NAV2: variants seen among roughly 807,000 people sequenced by gnomAD.
NAV2 encodes neuron navigator 2.
Under a neutral mutation model 223.2 loss-of-function variants are expected in NAV2, and 54 were observed. The observed-to-expected ratio is 0.24, with a 90% CI of 0.19 to 0.30. The LOEUF (loss-of-function observed/expected upper bound fraction) is 0.30. NAV2 is among the 10% of genes least tolerant of loss of function. The probability of loss-of-function intolerance (pLI) is 1.00; values close to 1 mark genes in which losing one functional copy is unlikely to be tolerated. For synonymous variants in NAV2, 1,279 were observed against 1,239.3 expected (o/e 1.03, Z -0.67); for missense variants, 2,806 against 3,147.5 (o/e 0.89, Z 2.60).
chr11:19,966,389 C>T (rs1055814238), intron 10 of NAV2, among the ~76,000 whole-genome samples: 2 of 152,154 alleles, frequency 1.3e-5, no homozygotes, highest in Non-Finnish European at 2.9e-5. Context: ...ATTATGTATC[C>T]CCAGTGCCTA....
At chr11:19,591,442 G>A (rs2046058067) in intron 1 of NAV2, among the ~76,000 whole-genome samples, 1 of 152,114 alleles carries the variant, frequency 6.6e-6, no homozygotes, top group African/African-American at 2.4e-5. Flanking sequence ...TCTCTACTTA[G>A]GAACAGTCTT....
intron 1 of NAV2, among the ~76,000 whole-genome samples, chr11:19,584,604 AC>A (rs1198280103): frequency 2.0e-5 from 3 of 152,206 alleles, no homozygotes; most frequent in African/African-American, 7.2e-5. Flanking sequence ...GTTTCAAAGA[AC>A]ATCTTTATTT....
intron 1 of NAV2, among the ~76,000 whole-genome samples, chr11:19,546,059 C>CA (rs986776840): frequency 2.0e-5 from 3 of 152,060 alleles, no homozygotes; most frequent in African/African-American, 7.2e-5. Flanking sequence ...CAGATGCTTC[C>CA]AGGGAACCCT....
chr11:19,909,675 T>A (rs996291569), intron 6 of NAV2, among the ~76,000 whole-genome samples: 1 of 152,080 alleles, frequency 6.6e-6, no homozygotes, highest in African/African-American at 2.4e-5. Flanking sequence ...GGAAGCACAT[T>A]TCTTCAGGAG....
At chr11:19,988,710 C>A (rs748727413) in intron 11 of NAV2, among the ~76,000 whole-genome samples, 1 of 152,140 alleles carries the variant, frequency 6.6e-6, no homozygotes, top group Non-Finnish European at 1.5e-5. Context: ...ATTGGGAGGC[C>A]TCTCTCAAGG....
chr11:20,103,688 C>G lies in NAV2; in HGVS notation c.6608C>G (p.Ser2203Cys), dbSNP rs1418867520. Reference sequence around the variant, plus strand: ...ATTGGCACAATGAACCAGGCTACCTCTTCGACTCCCAACCTGCAGCTTCAC... The same window carrying G: ...ATTGGCACAATGAACCAGGCTACCTGTTCGACTCCCAACCTGCAGCTTCAC... ...YIIGTMNQAT[S>C]STPNLQLHHN... is the part of the protein sequence containing the mutation. Residue 2203 changes from serine to cysteine, a missense_variant, in exon 34 of 38, where the codon TCT (serine) becomes TGT (cysteine). Physicochemically the swap from Ser to Cys is moderately radical, Grantham distance 112. This residue lies in a region of NAV2 where 824 missense variants were observed against 1,069.4 expected (regional missense o/e 0.77). Coordinates refer to ENST00000349880, the MANE Select transcript of NAV2 (RefSeq NM_145117.5). 1.9e-6 allele frequency: 3 copies of G among 1,614,200 alleles called. No individual in the cohort carries two copies. In the Middle Eastern group the frequency reaches 4.9e-4, roughly 266 times the overall value.
At chr11:20,115,936 G>A (rs534913769) in intron 37 of NAV2, among the ~76,000 whole-genome samples, 1 of 151,992 alleles carries the variant, frequency 6.6e-6, no homozygotes, top group Admixed American at 6.6e-5. Context: ...AAACACCCGG[G>A]CCAATAACAG....
At chr11:19,359,354 C>T (rs1319707223) in intron 1 of NAV2, among the ~76,000 whole-genome samples, 1 of 152,156 alleles carries the variant, frequency 6.6e-6, no homozygotes, top group African/African-American at 2.4e-5. Flanking sequence ...CATGCCTTTT[C>T]CCTTTGAATT....
At chr11:19,868,672 A>G (rs1391500036) in intron 3 of NAV2, among the ~76,000 whole-genome samples, 2 of 152,126 alleles carry the variant, frequency 1.3e-5, no homozygotes, top group East Asian at 3.9e-4. Flanking sequence ...AGTGATCAAG[A>G]TGAGAGCTCC....
At chr11:19,378,967 T>C (rs1564890071) in intron 1 of NAV2, among the ~76,000 whole-genome samples, 1 of 152,194 alleles carries the variant, frequency 6.6e-6, no homozygotes, top group Non-Finnish European at 1.5e-5. Context: ...GTTCAAGCCC[T>C]GGCTTCGTCC....
intron 1 of NAV2, among the ~76,000 whole-genome samples, chr11:19,520,602 T>G (rs932672770): frequency 3.3e-5 from 5 of 152,150 alleles, no homozygotes; most frequent in African/African-American, 1.2e-4. Context: ...CCCTCCTTCC[T>G]CCTTTCCCAT....
In NAV2 at chr11:20,105,681, C is replaced by T. The variant is rs769328199; in HGVS notation, c.6795C>T (p.His2265=). The T allele has an allele frequency of 8.7e-6, 14 of 1,613,470 alleles. No individual in the cohort carries two copies. In the East Asian group the frequency reaches 2.7e-4, roughly 31 times the overall value. Residue 2265 remains histidine (H), a synonymous_variant, in exon 35 of 38, where the codon CAC becomes CAT. Transcript: ENST00000349880. ...ACTGGATTCCCAAGGTCTGGCATCACCTCAACCGCTTCCTGGAGGCTCACA... is the reference window on the plus strand; with the variant it reads ...ACTGGATTCCCAAGGTCTGGCATCATCTCAACCGCTTCCTGGAGGCTCACA... ...IIDWIPKVWH[H]LNRFLEAHSS...
At chr11:20,016,402 G>A (rs937906553) in intron 11 of NAV2, among the ~76,000 whole-genome samples, 2 of 152,232 alleles carry the variant, frequency 1.3e-5, no homozygotes, top group African/African-American at 4.8e-5. Flanking sequence ...TACTGTTCCT[G>A]CTGAATGAAA....
chr11:19,730,114 A>G (rs1424718114), intron 1 of NAV2, among the ~76,000 whole-genome samples: 1 of 152,208 alleles, frequency 6.6e-6, no homozygotes, highest in Non-Finnish European at 1.5e-5. Context: ...GGTTTCTGTC[A>G]TGAATCTTCC....
chr11:19,708,348 C>T (rs945660434), upstream of NAV2, among the ~76,000 whole-genome samples: 3 of 152,096 alleles, frequency 2.0e-5, no homozygotes, highest in Admixed American at 6.6e-5. Context: ...TTTTTACTCC[C>T]AAATAAACTC....
In NAV2 at chr11:19,713,222, C is replaced by T; in HGVS notation, c.-474C>T. 1.8e-5 allele frequency: 13 copies of T among 741,760 alleles called. No homozygotes were observed. The highest frequency in any genetic ancestry group is 2.1e-5 in the Non-Finnish European group (13 of 606,562). 45.9% of individuals were successfully genotyped at this position (741,760 alleles called of 1,614,324 possible). A position where few individuals can be genotyped will look rare whatever the true frequency, so the allele number is the denominator to read the frequency against. ...GCTGTCTCCTTTCCTTCCTTGGCTG[C>T]TCGCTCTTTCTCTCGCCGGCTCAGA... is the stretch of plus-strand genomic sequence containing the variant. On this transcript the variant is annotated 5_prime_UTR_variant, in exon 1 of 38. Coordinates refer to ENST00000349880, the MANE Select transcript of NAV2 (RefSeq NM_145117.5). The surrounding 1 kb of genome is among the most constrained non-coding windows in gnomAD (Gnocchi z 7.2).
chr11:19,722,082 A>G (rs1397881861), intron 1 of NAV2, among the ~76,000 whole-genome samples: 1 of 152,188 alleles, frequency 6.6e-6, no homozygotes, highest in Non-Finnish European at 1.5e-5. Context: ...GAGTGTGTGT[A>G]TGTACTCACA....
At chr11:19,863,353 T>C (rs1195423857) in intron 3 of NAV2, among the ~76,000 whole-genome samples, 2 of 152,224 alleles carry the variant, frequency 1.3e-5, no homozygotes, top group East Asian at 1.9e-4. Context: ...ATGACTTTTT[T>C]TGGGTTCCAG....
At chr11:20,013,231 C>A (rs543742433) in intron 11 of NAV2, among the ~76,000 whole-genome samples, 1 of 152,060 alleles carries the variant, frequency 6.6e-6, no homozygotes, top group Non-Finnish European at 1.5e-5. Flanking sequence ...TTGATACCAA[C>A]GTTGTATACA....
Sources: gnomAD v4.1 joint callset for allele counts (sites outside exome capture counted in the v4.1 genomes callset) on GRCh38, gnomAD v4.1.1 for gene constraint, gnomAD v4.1.1 regional missense constraint, Gnocchi (gnomAD v3.1) non-coding constraint, MANE v1.5 for transcripts, NCBI Gene and HGNC (gene_info 2026-07-23, HGNC 2026-07-21) for gene names.